PKIB: variants seen among roughly 807,000 people sequenced by gnomAD.
PKIB encodes the protein cAMP-dependent protein kinase inhibitor beta.
PKIB carries 2 observed loss-of-function variants against 4.5 expected under a neutral mutation model. That is an observed-to-expected ratio of 0.44 (90% confidence interval 0.18 to 1.39). The LOEUF is 1.39. PKIB is among the 40% of genes most tolerant of loss of function. The pLI is 0.27. For synonymous variants in PKIB, 38 were observed against 36.0 expected, an observed-to-expected ratio of 1.06 and a Z score of -0.20; for missense variants, 94 against 92.6, an observed-to-expected ratio of 1.02 and a Z score of -0.06.
intron 3 of PKIB, among the ~76,000 whole-genome samples, chr6:122,675,750 C>A (rs1037984561): frequency 6.6e-6 from 1 of 151,678 alleles, no homozygotes; most frequent in Non-Finnish European, 1.5e-5. Context: ...CACACATTTT[C>A]ACAAACAAAT....
intron 2 of PKIB, among the ~76,000 whole-genome samples, chr6:122,511,594 G>A (rs1018537771): frequency 2.6e-5 from 4 of 152,164 alleles, no homozygotes; most frequent in African/African-American, 9.7e-5. Context: ...TGGTGACAAA[G>A]GAATGAGAAG....
chr6:122,575,239 A>C (rs1773492206), intron 2 of PKIB, among the ~76,000 whole-genome samples: 7 of 152,232 alleles, frequency 4.6e-5, no homozygotes, highest in Admixed American at 4.6e-4. Context: ...TTAAGTAAAA[A>C]GTCAAAAAAC....
chr6:122,472,326 GT>G (rs1562220001), intron 1 of PKIB, among the ~76,000 whole-genome samples: 1 of 152,158 alleles, frequency 6.6e-6, no homozygotes. Context: ...GTGTGCTTCA[GT>G]TTCTCTGTAT....
intron 2 of PKIB, 149 bp from the exon 3 acceptor site, chr6:122,674,929 A>C (rs1033097698): frequency 1.3e-5 from 2 of 152,452 alleles, no homozygotes; most frequent in African/African-American, 4.8e-5. Flanking sequence ...TGTTTGAATT[A>C]GAGGTTCGGC....
chr6:122,558,580 T>C (rs763441488), intron 2 of PKIB, among the ~76,000 whole-genome samples: 10 of 152,192 alleles, frequency 6.6e-5, no homozygotes, highest in Non-Finnish European at 1.0e-4. Context: ...CATTATATCA[T>C]CCTTAGTTGT....
intron 2 of PKIB, among the ~76,000 whole-genome samples, chr6:122,524,149 CCCTCCTCCTCTTGCCCTTCCT>C (rs1316129346): frequency 1.4e-5 from 2 of 142,854 alleles, no homozygotes; most frequent in Non-Finnish European, 3.1e-5. Flanking sequence ...CTCCTCCTCC[CCCTCCTCCTCTTGCCCTTCCT>C]CCTCCTCCTC....
chr6:122,522,852 G>A (rs1776986518), intron 2 of PKIB, among the ~76,000 whole-genome samples: 1 of 152,192 alleles, frequency 6.6e-6, no homozygotes, highest in African/African-American at 2.4e-5. Context: ...AGCTATTCCT[G>A]TTTGGACATC....
At chr6:122,549,269 C>T (rs544316352) in intron 2 of PKIB, among the ~76,000 whole-genome samples, 23 of 152,270 alleles carry the variant, frequency 1.5e-4, no homozygotes, top group African/African-American at 5.5e-4. Context: ...GCATCTACTA[C>T]TATTATTATT....
chr6:122,603,714 C>A (rs1045756459), intron 3 of PKIB, among the ~76,000 whole-genome samples: 5 of 152,188 alleles, frequency 3.3e-5, no homozygotes, highest in Non-Finnish European at 7.3e-5. Flanking sequence ...CTCGTGGCCT[C>A]AAGTGTTCCG....
intron 2 of PKIB, among the ~76,000 whole-genome samples, chr6:122,516,749 A>C (rs1776767091): frequency 6.6e-6 from 1 of 152,188 alleles, no homozygotes; most frequent in African/African-American, 2.4e-5. Context: ...CCCACCACAT[A>C]AGGCAATACT....
At chr6:122,639,736 G>T (rs371127279) in intron 2 of PKIB, among the ~76,000 whole-genome samples, 5 of 152,264 alleles carry the variant, frequency 3.3e-5, no homozygotes, top group African/African-American at 1.2e-4. Flanking sequence ...AGATTTGAAT[G>T]GATGGAATTA....
At chr6:122,599,774 C>G (rs1774297926) in intron 3 of PKIB, among the ~76,000 whole-genome samples, 1 of 152,150 alleles carries the variant, frequency 6.6e-6, no homozygotes, top group African/African-American at 2.4e-5. Flanking sequence ...ACAGTTGCCG[C>G]TAAGCACTAT....
chr6:122,624,822 T>C (rs193118036), intron 1 of PKIB, among the ~76,000 whole-genome samples: 1 of 152,338 alleles, frequency 6.6e-6, no homozygotes, highest in Admixed American at 6.5e-5. Flanking sequence ...ATCCACTCTG[T>C]GATAGACTAA....
At chr6:122,661,374 C>A (rs1017138638) in intron 2 of PKIB, among the ~76,000 whole-genome samples, 7 of 152,052 alleles carry the variant, frequency 4.6e-5, no homozygotes, top group African/African-American at 1.7e-4. Context: ...CTAGGGACTC[C>A]CTCTCCATCC....
intron 3 of PKIB, among the ~76,000 whole-genome samples, chr6:122,713,719 A>G (rs1425314344): frequency 6.6e-6 from 1 of 152,092 alleles, no homozygotes; most frequent in African/African-American, 2.4e-5. Context: ...TTCCAGGTGG[A>G]TTTTTCAATT....
chr6:122,611,164 G>C (rs1482506143), intron 1 of PKIB, among the ~76,000 whole-genome samples: 1 of 152,222 alleles, frequency 6.6e-6, no homozygotes, highest in East Asian at 1.9e-4. Context: ...GTGCCAGGTG[G>C]TCGCGGGCTG....
chr6:122,517,485 G>A (rs573832439), intron 2 of PKIB, among the ~76,000 whole-genome samples: 15 of 152,212 alleles, frequency 9.9e-5, no homozygotes, highest in East Asian at 5.8e-4. Flanking sequence ...TGTTTTCTGC[G>A]AAAGTCCAGA....
chr6:122,534,835 TA>T (rs911887494), intron 2 of PKIB, among the ~76,000 whole-genome samples: 10 of 152,082 alleles, frequency 6.6e-5, no homozygotes, highest in Admixed American at 6.6e-5. Context: ...AACTTTGAAT[TA>T]AAAGTATTGA....
chr6:122,642,408 A>G (rs1776155066), intron 2 of PKIB, among the ~76,000 whole-genome samples: 1 of 152,246 alleles, frequency 6.6e-6, no homozygotes, highest in Non-Finnish European at 1.5e-5. Flanking sequence ...TTTAAAAAAC[A>G]CGCAGAGAGC....
Sources: gnomAD v4.1 joint callset for allele counts (sites outside exome capture counted in the v4.1 genomes callset) on GRCh38, gnomAD v4.1.1 for gene constraint, MANE v1.5 for transcripts, NCBI Gene and HGNC (gene_info 2026-07-23, HGNC 2026-07-21) for gene names.